PHLDB1: variants seen among roughly 807,000 people sequenced by gnomAD.
PHLDB1 encodes the protein pleckstrin homology like domain family B member 1.
PHLDB1 carries 65 observed loss-of-function variants against 139.3 expected under a neutral mutation model. The observed-to-expected ratio is 0.47, with a 90% CI of 0.38 to 0.57. The LOEUF (loss-of-function observed/expected upper bound fraction) is 0.57, where lower values mean the gene tolerates loss of function less well. PHLDB1 is among the 20% of genes least tolerant of loss of function. The probability of loss-of-function intolerance (pLI) is 0.00; values close to 1 mark genes in which losing one functional copy is unlikely to be tolerated. For synonymous variants in PHLDB1, 679 were observed against 734.5 expected (o/e 0.92, Z 1.22); for missense variants, 1,624 against 1,839.7 (o/e 0.88, Z 2.14).
chr11:118,632,975 T>A lies in PHLDB1; in HGVS notation c.2379+679T>A. 2.9e-6 allele frequency: 1 copy of A among 348,768 alleles called. No homozygotes were observed. Among genetic ancestry groups the A allele is most frequent in the Non-Finnish European group, 4.0e-6 (1 of 249,936 alleles). The allele number at this position is 348,768 out of a possible 1,614,324, so 21.6% of individuals were successfully genotyped here. A position where few individuals can be genotyped will look rare whatever the true frequency, so the allele number is the denominator to read the frequency against. On this transcript the variant is annotated intron_variant, in intron 9 of 22. Transcript: ENST00000600882. This position sits in a 1 kb window ranked among gnomAD's most constrained non-coding sequence, Gnocchi z 5.9. ...CTCCTGCCCTCAATTTTGAGAATCT[T>A]AAAAATTCTTTGACCCTTTTTTTTT...
At position 118,608,059 on chromosome 11, in the gene PHLDB1, A is replaced by AGC. The variant is rs1276465321; in HGVS notation, c.-22+370_-22+371dup. ...GACACTCGCGGGGTATCGGGCGGCG[A>AGC]GCGCGCGCGCGGGTTTTCGTCCTCC... On this transcript the variant is annotated intron_variant, in intron 1 of 22. Coordinates refer to ENST00000600882, the MANE Select transcript of PHLDB1 (RefSeq NM_001144758.3). The surrounding 1 kb of genome is among the most constrained non-coding windows in gnomAD (Gnocchi z 6.7). Among the ~76,000 whole-genome samples the AGC allele has an allele frequency of 1.5e-4, 22 of 151,486 alleles. No individual in the cohort carries two copies. Among genetic ancestry groups the AGC allele is most frequent in the African/African-American group, 4.6e-4 (19 of 41,258 alleles).
intron 7 of PHLDB1, 108 bp from the exon 8 acceptor site, chr11:118,631,805 A>G: frequency 3.9e-6 from 5 of 1,291,532 alleles, no homozygotes; most frequent in Non-Finnish European, 5.3e-6. Context: ...CTCCTGTCTC[A>G]GTCCAGCTAT....
chr11:118,650,314 C>G lies in PHLDB1; in HGVS notation c.3771+121C>G. On this transcript the variant is annotated intron_variant, in intron 19 of 22. Coordinates refer to ENST00000600882, the MANE Select transcript of PHLDB1 (RefSeq NM_001144758.3). This position sits in a 1 kb window ranked among gnomAD's most constrained non-coding sequence, Gnocchi z 4.7. The stretch of plus-strand genomic sequence containing the variant: ...ACCCTCACCTAACCAGATCTCTGTC[C>G]CAGGACCTGGTGTGCTGGCCTGAGG... 3.0e-6 allele frequency: 3 copies of G among 1,004,438 alleles called. No homozygotes were observed. Among genetic ancestry groups the G allele is most frequent in the Non-Finnish European group, 4.8e-6 (3 of 628,152 alleles). The allele number at this position is 1,004,438 out of a possible 1,614,324, so 62.2% of individuals were successfully genotyped here.
chr11:118,649,799 A>G (rs1948096769), intron 18 of PHLDB1, among the ~76,000 whole-genome samples: 1 of 152,158 alleles, frequency 6.6e-6, no homozygotes, highest in South Asian at 2.1e-4. Flanking sequence ...TCAGGAGGGA[A>G]AGGAGGGGCA....
In PHLDB1 at chr11:118,645,612, C is replaced by T. The variant is rs373457418; in HGVS notation, c.3378C>T (p.Thr1126=). Reference sequence around the variant, plus strand: ...ACAGCATGGAGACCAGCATCTCCACCGGGGGCAACTCGGCCTGCTCCCCTG... The same window carrying T: ...ACAGCATGGAGACCAGCATCTCCACTGGGGGCAACTCGGCCTGCTCCCCTG... The part of the protein sequence containing the change: ...SSDSMETSIS[T]GGNSACSPDN... The change falls in exon 16 of 23, where the codon ACC becomes ACT. Residue 1126 remains threonine, a synonymous_variant. Coordinates refer to ENST00000600882, the MANE Select transcript of PHLDB1 (RefSeq NM_001144758.3). The surrounding 1 kb of genome is among the most constrained non-coding windows in gnomAD (Gnocchi z 5.1). The T allele has an allele frequency of 2.2e-5, 36 of 1,613,118 alleles. No homozygotes were observed. The highest frequency in any genetic ancestry group is 2.7e-5 in the African/African-American group (2 of 74,900).
rs1555142117 is a variant in PHLDB1 at position 118,656,720 on chromosome 11, A to G, written c.4031A>G (p.His1344Arg). The G allele has an allele frequency of 2.5e-6, 4 of 1,613,992 alleles. No homozygotes were observed. Among genetic ancestry groups the G allele is most frequent in the Non-Finnish European group, 3.4e-6 (4 of 1,179,898 alleles). ...NPALTFCVKTHDRLYYMVAPS... is the reference protein window; with the variant it reads ...NPALTFCVKTRDRLYYMVAPS... ...GCCCTCACCTTCTGCGTAAAGACCC[A>G]TGACCGGCTGTACTACATGGTGGCC... The change falls in exon 23 of 23, where the codon CAT becomes CGT. Residue 1344 changes from histidine to arginine, a missense_variant. Physicochemically the swap from His to Arg is conservative, Grantham distance 29. Coordinates refer to ENST00000600882, the MANE Select transcript of PHLDB1 (RefSeq NM_001144758.3).
intron 1 of PHLDB1, chr11:118,613,216 G>T: frequency 5.7e-6 from 5 of 880,108 alleles, no homozygotes; most frequent in Non-Finnish European, 6.8e-6. Flanking sequence ...GTTGCTTTCT[G>T]GGGAAGAAAA....
At position 118,632,269 on chromosome 11, in the gene PHLDB1, G is replaced by A; in HGVS notation, c.2352G>A (p.Glu784=). The A allele has an allele frequency of 6.2e-7, 1 of 1,613,358 alleles. No individual in the cohort carries two copies. The highest frequency in any genetic ancestry group is 1.1e-5 in the South Asian group (1 of 91,034). Residue 784 remains glutamate, a synonymous_variant, in exon 9 of 23, where the codon GAG becomes GAA. Coordinates refer to ENST00000600882, the MANE Select transcript of PHLDB1 (RefSeq NM_001144758.3). The surrounding 1 kb of genome is among the most constrained non-coding windows in gnomAD (Gnocchi z 5.9). ...TGCAGGAGAAGCTGGTGGCCTTGGA[G>A]ACAGGCATCCAGAAGGAGAGGGACA... ...DQLQEKLVAL[E]TGIQKERDKE...
chr11:118,627,322 G>A lies in PHLDB1; in HGVS notation c.499G>A (p.Val167Ile). The A allele has an allele frequency of 1.9e-6, 3 of 1,613,646 alleles. No homozygotes were observed. The highest frequency in any genetic ancestry group is 1.7e-6 in the Non-Finnish European group (2 of 1,179,874). Residue 167 changes from valine to isoleucine, a missense_variant, in exon 6 of 23, where the codon GTA (valine) becomes ATA (isoleucine). Transcript: ENST00000600882. The stretch of plus-strand genomic sequence containing the variant: ...CCCTCCAGCAGAATCAGAAAGTCTG[G>A]TAAATGGGAACCACACCCCACAGAC... The part of the protein sequence containing the change: ...SPVPAESESL[V>I]NGNHTPQTAT...
chr11:118,650,841 A>C lies in PHLDB1; in HGVS notation c.3874+294A>C. 4 of 437,168 alleles carry C rather than the reference A, an allele frequency of 9.1e-6. No individual in the cohort carries two copies. Among genetic ancestry groups the C allele is most frequent in the Non-Finnish European group, 1.7e-5 (4 of 239,258 alleles). 27.1% of individuals were successfully genotyped at this position (437,168 alleles called of 1,614,324 possible). On this transcript the variant is annotated intron_variant, in intron 20 of 22. Transcript: ENST00000600882. The surrounding 1 kb of genome is among the most constrained non-coding windows in gnomAD (Gnocchi z 4.7). The stretch of plus-strand genomic sequence containing the variant: ...CCACAGCGCTCTCATGGAGCTTATA[A>C]TCAGGGAAGCAGACAAGAGTGATAA...
chr11:118,656,049 G>T (rs560355992), intron 22 of PHLDB1, among the ~76,000 whole-genome samples, 157 bp downstream of exon 22: 1 of 151,804 alleles, frequency 6.6e-6, no homozygotes, highest in Admixed American at 6.6e-5. Flanking sequence ...TGTGGGCTTG[G>T]GTGCCTCTCT....
intron 17 of PHLDB1, among the ~76,000 whole-genome samples, chr11:118,646,100 A>G (rs1947468233): frequency 6.6e-6 from 1 of 152,070 alleles, no homozygotes; most frequent in South Asian, 2.1e-4. Context: ...CTCTACTGAA[A>G]ATACAAAAAA....
chr11:118,650,500 G>T lies in PHLDB1; in HGVS notation c.3827G>T (p.Arg1276Leu). 1 of 1,614,128 alleles carries T rather than the reference G, an allele frequency of 6.2e-7. No individual in the cohort carries two copies. Residue 1276 changes from arginine (R) to leucine (L), a missense_variant, in exon 20 of 23, where the codon CGC becomes CTC. Coordinates refer to ENST00000600882, the MANE Select transcript of PHLDB1 (RefSeq NM_001144758.3). This position sits in a 1 kb window ranked among gnomAD's most constrained non-coding sequence, Gnocchi z 4.7. ...GGCAAGATTAAATCATGGAAGAAGC[G>T]CTGGTTTGTCTTCGACCGGCTCAAG... ...MGGKIKSWKK[R>L]WFVFDRLKRT...
At chr11:118,648,155 G>C (rs1422908163) in intron 18 of PHLDB1, 79 bp downstream of exon 18, 25 of 1,390,620 alleles carry the variant, frequency 1.8e-5, no homozygotes, top group Non-Finnish European at 2.5e-5. Context: ...CAGGGTTTCT[G>C]TGTTGGGCTG....
chr11:118,609,205 A>C (rs1197797983), intron 1 of PHLDB1, among the ~76,000 whole-genome samples: 6 of 116,282 alleles, frequency 5.2e-5, no homozygotes, highest in Non-Finnish European at 1.1e-4. Flanking sequence ...ACACAGCCCC[A>C]GTTATACACA....
intron 3 of PHLDB1, 85 bp from the exon 4 acceptor site, chr11:118,615,956 A>C (rs1941553619): frequency 8.1e-6 from 9 of 1,114,502 alleles, no homozygotes; most frequent in Non-Finnish European, 1.2e-5. Flanking sequence ...AGGTGGAAAT[A>C]TGTTTCCACT....
intron 9 of PHLDB1, chr11:118,635,128 A>C: frequency 1.1e-5 from 6 of 552,638 alleles, no homozygotes; most frequent in East Asian, 3.3e-5. Context: ...GTGGGACGGG[A>C]CCACCTGGCC....
At chr11:118,630,512 A>G (rs1944624874) in intron 6 of PHLDB1, among the ~76,000 whole-genome samples, 1 of 152,090 alleles carries the variant, frequency 6.6e-6, no homozygotes, top group Non-Finnish European at 1.5e-5. Flanking sequence ...TTCTCCATGT[A>G]TGTCTGTGGT....
chr11:118,622,138 C>T (rs573716627), intron 4 of PHLDB1, among the ~76,000 whole-genome samples: 27 of 152,308 alleles, frequency 1.8e-4, no homozygotes, highest in Non-Finnish European at 3.2e-4. Flanking sequence ...CCTCCACCCA[C>T]CTGCACACAG....
Sources: gnomAD v4.1 joint callset for allele counts (sites outside exome capture counted in the v4.1 genomes callset) on GRCh38, gnomAD v4.1.1 for gene constraint, Gnocchi (gnomAD v3.1) non-coding constraint, MANE v1.5 for transcripts, NCBI Gene and HGNC (gene_info 2026-07-23, HGNC 2026-07-21) for gene names.